The following MECOM variants were observed in gnomAD, a reference collection of about 807,000 sequenced individuals.
MECOM encodes the protein histone-lysine N-methyltransferase MECOM.
Under a neutral mutation model 116.3 loss-of-function variants are expected in MECOM, and 13 were observed. The observed-to-expected ratio is 0.11, with a 90% CI of 0.07 to 0.18. MECOM has a LOEUF of 0.18. Ranked by LOEUF, MECOM falls within the 10% of genes least tolerant of loss-of-function variation. The pLI, the probability that MECOM is intolerant of heterozygous loss-of-function variation, is 1.00. For synonymous variants in MECOM, 528 were observed against 535.2 expected (o/e 0.99, Z 0.19); for missense variants, 1,299 against 1,509.0 (o/e 0.86, Z 2.31).
intron 1 of MECOM, among the ~76,000 whole-genome samples, chr3:169,580,663 G>T (rs1276071302): frequency 6.6e-6 from 1 of 152,134 alleles, no homozygotes; most frequent in African/African-American, 2.4e-5. Flanking sequence ...TCATTCAAGT[G>T]TGAGTAATTA....
chr3:169,459,343 C>T (rs1040032803), intron 1 of MECOM, among the ~76,000 whole-genome samples: 1 of 152,176 alleles, frequency 6.6e-6, no homozygotes, highest in Non-Finnish European at 1.5e-5. Context: ...TTTACCCACT[C>T]CATACATGAG....
At chr3:169,659,827 T>C (rs1239418525) in intron 1 of MECOM, among the ~76,000 whole-genome samples, 1 of 152,046 alleles carries the variant, frequency 6.6e-6, no homozygotes, top group Non-Finnish European at 1.5e-5. Context: ...GTGAGTAGTT[T>C]AAGGACGGGA....
At chr3:169,371,514 TACACAC>T (rs35247420) in intron 2 of MECOM, among the ~76,000 whole-genome samples, 1 of 149,448 alleles carries the variant, frequency 6.7e-6, no homozygotes, top group South Asian at 2.1e-4. Context: ...GTATTTTCAC[TACACAC>T]ACACACACAC....
At chr3:169,386,708 T>A (rs185748575) in intron 1 of MECOM, among the ~76,000 whole-genome samples, 12 of 152,260 alleles carry the variant, frequency 7.9e-5, no homozygotes, top group Admixed American at 3.9e-4. Context: ...TTCCTTAACA[T>A]AAATTTTTAT....
intron 1 of MECOM, among the ~76,000 whole-genome samples, chr3:169,600,195 C>T (rs1388838083): frequency 6.6e-6 from 1 of 152,132 alleles, no homozygotes. Flanking sequence ...TGGTCTTGAA[C>T]TCCTGACCTC....
chr3:169,274,462 A>G lies in MECOM; in HGVS notation c.375+106725T>C, dbSNP rs1577550794. Among the ~76,000 whole-genome samples, 10 of 152,360 alleles carry G rather than the reference A, an allele frequency of 6.6e-5. 1 individual carries two copies. The South Asian group carries it at 2.1e-3, about 32-fold the overall frequency. On this transcript the variant is annotated intron_variant, in intron 2 of 16. Coordinates refer to ENST00000651503, the MANE Select transcript of MECOM (RefSeq NM_004991.4). ...CCAAAAATACCTACTAGCTGAATGT[A>G]GCACAGGGGTTGAGCAGGAAGAAAT...
chr3:169,333,174 T>C (rs1298196233), intron 2 of MECOM, among the ~76,000 whole-genome samples: 1 of 152,088 alleles, frequency 6.6e-6, no homozygotes, highest in Non-Finnish European at 1.5e-5. Context: ...TAGCATCAAC[T>C]ATTCATCAGG....
intron 2 of MECOM, among the ~76,000 whole-genome samples, chr3:169,202,475 C>T (rs1749292447): frequency 6.6e-6 from 1 of 151,978 alleles, no homozygotes; most frequent in Admixed American, 6.6e-5. Flanking sequence ...AAATTCTGTA[C>T]AAAATCAAAG....
intron 1 of MECOM, among the ~76,000 whole-genome samples, chr3:169,451,218 G>GTC (rs1183220001): frequency 1.3e-5 from 2 of 149,818 alleles, no homozygotes; most frequent in Admixed American, 6.7e-5. Context: ...ACTTCTCTCT[G>GTC]TCTCTCTCTC....
chr3:169,371,369 G>C (rs774875180), intron 2 of MECOM, among the ~76,000 whole-genome samples: 2 of 151,918 alleles, frequency 1.3e-5, no homozygotes, highest in African/African-American at 2.4e-5. Flanking sequence ...AGGGGAAATG[G>C]GGAGATGTTG....
At chr3:169,511,308 C>T (rs961227000) in intron 1 of MECOM, among the ~76,000 whole-genome samples, 5 of 152,156 alleles carry the variant, frequency 3.3e-5, no homozygotes, top group African/African-American at 1.2e-4. Flanking sequence ...TCTGCCAAAT[C>T]TCTATATTTT....
At chr3:169,192,426 T>A (rs1042732968) in intron 2 of MECOM, among the ~76,000 whole-genome samples, 2 of 152,010 alleles carry the variant, frequency 1.3e-5, no homozygotes, top group Non-Finnish European at 2.9e-5. Context: ...AAACCTCAAA[T>A]TTTTTTATTT....
chr3:169,220,632 G>A (rs28603068), intron 2 of MECOM, among the ~76,000 whole-genome samples: 41,587 of 151,676 alleles, frequency 0.27, 6,731 homozygotes, highest in African/African-American at 0.46. Context: ...CCACCACCAC[G>A]CCCAGCTAAT....
intron 1 of MECOM, among the ~76,000 whole-genome samples, chr3:169,456,359 G>A (rs918385011): frequency 6.6e-6 from 1 of 152,164 alleles, no homozygotes; most frequent in Non-Finnish European, 1.5e-5. Context: ...CAGCAGAAGT[G>A]GGTTTAGATT....
intron 2 of MECOM, among the ~76,000 whole-genome samples, chr3:169,173,290 G>A (rs1362786081): frequency 2.0e-5 from 3 of 151,960 alleles, no homozygotes; most frequent in Non-Finnish European, 4.4e-5. Flanking sequence ...TGCTAGCTGA[G>A]GAAATGCTGA....
chr3:169,122,607 C>A lies in MECOM; in HGVS notation c.951G>T (p.Lys317Asn), dbSNP rs373255348. 155 of 1,613,912 alleles carry A rather than the reference C, an allele frequency of 9.6e-5. No individual in the cohort carries two copies. Among genetic ancestry groups the A allele is most frequent in the Non-Finnish European group, 1.2e-4 (147 of 1,179,912 alleles). Residue 317 changes from lysine (K) to asparagine (N), a missense_variant, in exon 6 of 17, where the codon AAG becomes AAT. By Grantham distance (94) the Lys-to-Asn change is moderately conservative. Coordinates refer to ENST00000651503, the MANE Select transcript of MECOM (RefSeq NM_004991.4). ...IRHQMSHDSG[K>N]HYECENCAKV... ...TGGCACAGTTTTCACATTCATAGTG[C>A]TTTCCACTGTCATGTGACATCTGGT...
chr3:169,342,654 C>T (rs956012396), intron 2 of MECOM, among the ~76,000 whole-genome samples: 2 of 152,182 alleles, frequency 1.3e-5, no homozygotes, highest in Non-Finnish European at 1.5e-5. Flanking sequence ...AAGGTTTCCT[C>T]TAATAATTGT....
At chr3:169,347,306 T>C (rs1469270327) in intron 2 of MECOM, among the ~76,000 whole-genome samples, 1 of 151,998 alleles carries the variant, frequency 6.6e-6, no homozygotes, top group Admixed American at 6.6e-5. Context: ...ATTAGCTACA[T>C]AGAGAAAGAT....
chr3:169,169,341 G>A (rs1346592377), intron 2 of MECOM, among the ~76,000 whole-genome samples: 1 of 152,184 alleles, frequency 6.6e-6, no homozygotes, highest in Non-Finnish European at 1.5e-5. Flanking sequence ...ATCAGTCTTC[G>A]CAGTTATCAA....
Sources: allele counts gnomAD v4.1 joint callset (sites outside exome capture counted in the v4.1 genomes callset), GRCh38; gene constraint gnomAD v4.1.1; transcripts MANE v1.5; gene names NCBI Gene and HGNC (gene_info 2026-07-23, HGNC 2026-07-21).